HMBOX1: variants seen among roughly 807,000 people sequenced by gnomAD.
HMBOX1 encodes the protein homeobox-containing protein 1.
Under a neutral mutation model 54.5 loss-of-function variants are expected in HMBOX1, and 14 were observed. The observed-to-expected ratio is 0.26, with a 90% CI of 0.17 to 0.40. The LOEUF (loss-of-function observed/expected upper bound fraction) is 0.40. Among genes scored for constraint, HMBOX1 ranks in the 10% least tolerant of loss-of-function variants. HMBOX1 has a pLI of 1.00. For synonymous variants in HMBOX1, 160 were observed against 181.0 expected (o/e 0.88, Z 0.93); for missense variants, 332 against 514.4 (o/e 0.65, Z 3.43).
intron 1 of HMBOX1, among the ~76,000 whole-genome samples, chr8:28,917,032 A>G (rs1295454421): frequency 2.0e-5 from 3 of 149,398 alleles, no homozygotes; most frequent in African/African-American, 7.4e-5. Flanking sequence ...ATATCACTGC[A>G]CTCCAGCCTG....
chr8:28,918,905 A>C (rs1817054236), intron 1 of HMBOX1, among the ~76,000 whole-genome samples: 1 of 152,246 alleles, frequency 6.6e-6, no homozygotes, highest in African/African-American at 2.4e-5. Context: ...ACCCTGTTTT[A>C]AAAACAGCAG....
At chr8:29,045,763 A>AT (rs1805480845) in intron 7 of HMBOX1, among the ~76,000 whole-genome samples, 1 of 152,232 alleles carries the variant, frequency 6.6e-6, no homozygotes, top group Non-Finnish European at 1.5e-5. Flanking sequence ...TTATGAAATA[A>AT]TGTTAAAGTT....
At chr8:28,918,670 A>C (rs1396100718) in intron 1 of HMBOX1, among the ~76,000 whole-genome samples, 1 of 152,162 alleles carries the variant, frequency 6.6e-6, no homozygotes, top group African/African-American at 2.4e-5. Flanking sequence ...AACTCGTGAA[A>C]TGTTTGTGCT....
At chr8:28,955,473 A>G (rs1824253952) in intron 1 of HMBOX1, among the ~76,000 whole-genome samples, 1 of 152,118 alleles carries the variant, frequency 6.6e-6, no homozygotes, top group African/African-American at 2.4e-5. Context: ...TTCTTTTTTA[A>G]ATCCTGATCA....
intron 1 of HMBOX1, among the ~76,000 whole-genome samples, chr8:28,903,219 A>G (rs549546532): frequency 1.3e-5 from 2 of 152,364 alleles, no homozygotes; most frequent in South Asian, 2.1e-4. Flanking sequence ...GTTTTAGATT[A>G]CAATTGAATT....
rs76546003 is a variant in HMBOX1 at position 28,997,586 on chromosome 8, G to A, written c.587-11486G>A. On this transcript the variant is annotated intron_variant, in intron 4 of 9. Coordinates refer to ENST00000287701, the MANE Select transcript of HMBOX1 (RefSeq NM_001135726.3). ...TTTTGAGACTGGGTCTCACTCTGTC[G>A]CCCAAGCTACAATGCAGTGGCACCA... Among the ~76,000 whole-genome samples the A allele has an allele frequency of 4.4e-3, 672 of 152,174 alleles. 4 individuals are homozygous for A. The highest frequency in any genetic ancestry group is 0.015 in the African/African-American group (629 of 41,524).
At chr8:28,956,412 C>T (rs1440499455) in intron 1 of HMBOX1, among the ~76,000 whole-genome samples, 1 of 151,756 alleles carries the variant, frequency 6.6e-6, no homozygotes, top group African/African-American at 2.4e-5. Flanking sequence ...GACCTGTCAT[C>T]TTCTAAATTT....
chr8:28,910,861 ATTC>A (rs1815283988), intron 1 of HMBOX1, among the ~76,000 whole-genome samples: 1 of 152,148 alleles, frequency 6.6e-6, no homozygotes, highest in Non-Finnish European at 1.5e-5. Flanking sequence ...GAACCTTTCA[ATTC>A]TTCTTAAAAT....
intron 1 of HMBOX1, among the ~76,000 whole-genome samples, chr8:28,914,604 G>A (rs1816163259): frequency 6.6e-6 from 1 of 152,190 alleles, no homozygotes; most frequent in South Asian, 2.1e-4. Flanking sequence ...TTGAACCACA[G>A]CACTGCAGAC....
intron 1 of HMBOX1, among the ~76,000 whole-genome samples, chr8:28,897,194 A>G (rs1339996113): frequency 6.6e-6 from 1 of 151,842 alleles, no homozygotes; most frequent in African/African-American, 2.4e-5. Flanking sequence ...CATGTTGGTC[A>G]TGCTGGTCTC....
intron 3 of HMBOX1, among the ~76,000 whole-genome samples, chr8:28,976,709 CTTTTTTTTT>C (rs749880362): frequency 7.4e-6 from 1 of 135,808 alleles, no homozygotes; most frequent in Non-Finnish European, 1.6e-5. Context: ...TCTTTTTTTT[CTTTTTTTTT>C]TTTTTTGAGA....
At chr8:29,007,733 C>T (rs1305825853) in intron 4 of HMBOX1, among the ~76,000 whole-genome samples, 1 of 151,856 alleles carries the variant, frequency 6.6e-6, no homozygotes, top group Middle Eastern at 3.4e-3. Context: ...TTTGGGAGGC[C>T]GAGGTGAGAG....
intron 1 of HMBOX1, among the ~76,000 whole-genome samples, chr8:28,891,957 A>G (rs1242123580): frequency 6.6e-6 from 1 of 152,094 alleles, no homozygotes; most frequent in Non-Finnish European, 1.5e-5. Context: ...TCCTGCAGGT[A>G]CAGAAACCTC....
chr8:28,997,977 T>G (rs763916630), intron 4 of HMBOX1, among the ~76,000 whole-genome samples: 26 of 152,196 alleles, frequency 1.7e-4, no homozygotes, highest in Non-Finnish European at 3.2e-4. Flanking sequence ...GAGTTGTTAA[T>G]GGGTGTATGT....
chr8:28,934,863 C>T (rs1015178763), intron 1 of HMBOX1, among the ~76,000 whole-genome samples: 2 of 150,226 alleles, frequency 1.3e-5, no homozygotes, highest in Non-Finnish European at 3.0e-5. Context: ...GGAGGCGGAG[C>T]TTGCAGTGAG....
intron 1 of HMBOX1, among the ~76,000 whole-genome samples, chr8:28,948,096 C>G (rs999604754): frequency 6.6e-6 from 1 of 152,094 alleles, no homozygotes; most frequent in African/African-American, 2.4e-5. Flanking sequence ...CCTAACCTAA[C>G]CTTGTTTAAA....
chr8:28,927,157 G>A (rs1211855732), intron 1 of HMBOX1, among the ~76,000 whole-genome samples: 3 of 151,508 alleles, frequency 2.0e-5, no homozygotes, highest in Non-Finnish European at 1.5e-5. Context: ...GAAATACAAA[G>A]GATAAAATGC....
rs567173289 is a variant in HMBOX1, at chr8:28,892,419, C to T, written c.-58+1741C>T. Among the ~76,000 whole-genome samples, 53 of 152,096 alleles carry T rather than the reference C, an allele frequency of 3.5e-4. 1 individual carries two copies. In the South Asian group the frequency reaches 6.4e-3, roughly 18 times the overall value. On this transcript the variant is annotated intron_variant, in intron 1 of 9. Transcript: ENST00000287701. ...GAATTTAAGGTCATATTTTGTACTT[C>T]CTTATTAAGTTCTTCAATAATCCTT...
rs556060356 is a variant in HMBOX1 at position 28,994,911 on chromosome 8, G to A, written c.587-14161G>A. 2.0e-5 allele frequency among the ~76,000 whole-genome samples: 3 copies of A among 152,232 alleles called. No homozygotes were observed. The East Asian group carries it at 5.8e-4, about 29-fold the overall frequency. On this transcript the variant is annotated intron_variant, in intron 4 of 9. Coordinates refer to ENST00000287701, the MANE Select transcript of HMBOX1 (RefSeq NM_001135726.3). ...CAATTTAATTGCAAGAGATCAGGGG[G>A]GATTTTTGCCCATTAAATCAGCAAA...
Sources: allele counts gnomAD v4.1 joint callset (sites outside exome capture counted in the v4.1 genomes callset), GRCh38; gene constraint gnomAD v4.1.1; transcripts MANE v1.5; gene names NCBI Gene and HGNC (gene_info 2026-07-23, HGNC 2026-07-21).